The following NADSYN1 variants were observed in gnomAD, a reference collection of about 807,000 sequenced individuals.
NADSYN1 encodes the protein NAD synthetase 1, also known as glutamine-dependent NAD(+) synthetase.
In NADSYN1, 80 loss-of-function variants were observed where a neutral mutation model predicts 99.3. The ratio of observed to expected loss-of-function variants is 0.81; its 90% CI spans 0.67 to 0.97. The LOEUF is 0.97. NADSYN1 is among the 50% of genes least tolerant of loss of function. The pLI, the probability that NADSYN1 is intolerant of heterozygous loss-of-function variation, is 0.00. For missense variants in NADSYN1, 859 were observed against 948.5 expected (o/e 0.91, Z 1.24); for synonymous variants, 385 against 372.1 (o/e 1.03, Z -0.40).
chr11:71,453,779 C>T (rs1469732599), intron 1 of NADSYN1, among the ~76,000 whole-genome samples: 1 of 152,126 alleles, frequency 6.6e-6, no homozygotes, highest in Non-Finnish European at 1.5e-5. Context: ...TTGATGGTCT[C>T]TGGTCCCCGT....
At chr11:71,457,027 A>G (rs4944958) in intron 2 of NADSYN1, among the ~76,000 whole-genome samples, 80,941 of 152,228 alleles carry the variant, frequency 0.53, 25,478 homozygotes, top group Non-Finnish European at 0.74. Flanking sequence ...TTGGAAAGGG[A>G]AGGCTACCAC....
At chr11:71,483,091 A>G (rs1256578521) in intron 14 of NADSYN1, 74 bp downstream of exon 14, 1 of 1,561,270 alleles carries the variant, frequency 6.4e-7, no homozygotes, top group African/African-American at 1.4e-5. Flanking sequence ...TCCGCCTGTG[A>G]GTGCATTGGT....
chr11:71,496,154 A>G (rs913813507), intron 18 of NADSYN1, among the ~76,000 whole-genome samples: 5 of 152,284 alleles, frequency 3.3e-5, no homozygotes, highest in Admixed American at 1.3e-4. Flanking sequence ...TTGTGGAGCT[A>G]CTGTCACTAA....
intron 18 of NADSYN1, among the ~76,000 whole-genome samples, chr11:71,493,257 AAT>A (rs1481000715): frequency 6.6e-6 from 1 of 152,114 alleles, no homozygotes; most frequent in Non-Finnish European, 1.5e-5. Context: ...TCTTTTGCCA[AAT>A]GTATTTCAAA....
chr11:71,481,067 G>T, intron 11 of NADSYN1, 188 bp downstream of exon 11: 1 of 784,430 alleles, frequency 1.3e-6, no homozygotes, highest in Middle Eastern at 3.8e-4. Flanking sequence ...GTGACCCCCA[G>T]CCCTGCTGCT....
Position 71,498,393 on chromosome 11 carries a change from G to A in NADSYN1, c.1935G>A (p.Met645Ile). Residue 645 changes from methionine to isoleucine, a missense_variant, in exon 20 of 21, where the codon ATG becomes ATA. Coordinates refer to ENST00000319023, the MANE Select transcript of NADSYN1 (RefSeq NM_018161.5). ...AGCGGTTTTTCTCCAAGTACTCCAT[G>A]AACAGACACAAGATGACCACGCTCA... ...KVKRFFSKYS[M>I]NRHKMTTLTP... The A allele has an allele frequency of 6.2e-7, 1 of 1,614,196 alleles. No homozygotes were observed. Among genetic ancestry groups the A allele is most frequent in the Non-Finnish European group, 8.5e-7 (1 of 1,180,044 alleles).
chr11:71,454,118 A>C (rs1591119007), intron 1 of NADSYN1, among the ~76,000 whole-genome samples: 1 of 152,332 alleles, frequency 6.6e-6, no homozygotes, highest in Non-Finnish European at 1.5e-5. Context: ...CTTGTCTTGC[A>C]CTGGTCTGCT....
At position 71,491,880 on chromosome 11, in the gene NADSYN1, G is replaced by A. The variant is rs1949781909; in HGVS notation, c.1741G>A (p.Gly581Arg). The A allele has an allele frequency of 6.2e-7, 1 of 1,614,110 alleles. No homozygotes were observed. The highest frequency in any genetic ancestry group is 1.1e-5 in the South Asian group (1 of 91,074). ...ATAELEPLAD[G>R]QVSQTDEEDM... is the part of the protein sequence containing the mutation. Reference sequence around the variant, plus strand: ...CGCAGAGCTGGAGCCCTTGGCTGATGGACAGGTGTCCCAGACCGACGAGGT... The same window carrying A: ...CGCAGAGCTGGAGCCCTTGGCTGATAGACAGGTGTCCCAGACCGACGAGGT... The change falls in exon 18 of 21, where the codon GGA becomes AGA. Residue 581 changes from glycine (G) to arginine (R), a missense_variant. By Grantham distance (125) the Gly-to-Arg change is moderately radical. Coordinates refer to ENST00000319023, the MANE Select transcript of NADSYN1 (RefSeq NM_018161.5).
chr11:71,477,016 C>A, intron 9 of NADSYN1: 1 of 1,062,566 alleles, frequency 9.4e-7, no homozygotes, highest in Non-Finnish European at 1.1e-6. Context: ...GCTCGGGCCA[C>A]TGCCCTCCAC....
chr11:71,482,780 G>C, intron 13 of NADSYN1, 69 bp from the exon 14 acceptor site: 1 of 1,536,924 alleles, frequency 6.5e-7, no homozygotes, highest in Admixed American at 1.9e-5. Flanking sequence ...GGTGTAGACC[G>C]GGGTGGAACT....
intron 3 of NADSYN1, among the ~76,000 whole-genome samples, 157 bp from the exon 4 acceptor site, chr11:71,463,275 G>C (rs990209980): frequency 6.6e-6 from 1 of 152,152 alleles, no homozygotes; most frequent in African/African-American, 2.4e-5. Flanking sequence ...GCTTTGATTT[G>C]AGGGTGCCAC....
chr11:71,458,567 A>G, intron 3 of NADSYN1, 23 bp downstream of exon 3: 1 of 1,553,500 alleles, frequency 6.4e-7, no homozygotes, highest in Non-Finnish European at 8.9e-7. Flanking sequence ...GTGAGTGTGG[A>G]AGGGCAAACC....
At chr11:71,453,523 A>C in intron 1 of NADSYN1, 142 bp downstream of exon 1, 1 of 722,304 alleles carries the variant, frequency 1.4e-6, no homozygotes, top group Non-Finnish European at 2.3e-6. Context: ...ATAATGGGCA[A>C]TGACCCCGCC....
intron 9 of NADSYN1, among the ~76,000 whole-genome samples, chr11:71,477,826 C>G (rs1949679382): frequency 6.6e-6 from 1 of 152,212 alleles, no homozygotes; most frequent in Non-Finnish European, 1.5e-5. Flanking sequence ...TTCTCCAGCT[C>G]CGCCCTCCTC....
Position 71,481,381 on chromosome 11 carries a change from G to A in NADSYN1, c.1024G>A (p.Asp342Asn), listed in dbSNP as rs149130712. Residue 342 changes from aspartate (D) to asparagine (N), a missense_variant, in exon 12 of 21, where the codon GAT (aspartate) becomes AAT (asparagine). Asp to Asn is a conservative substitution (Grantham distance 23). Transcript: ENST00000319023. The stretch of plus-strand genomic sequence containing the variant: ...CCTTGGACCTGCCTGCTGGCTCTGG[G>A]ATTTTTTAAGACGAAGTCAACAGGT... ...ISLGPACWLW[D>N]FLRRSQQAGF... 204 of 1,614,072 alleles carry A rather than the reference G, an allele frequency of 1.3e-4. 1 individual carries two copies. In the African/African-American group the frequency reaches 2.5e-3, roughly 20 times the overall value.
intron 5 of NADSYN1, among the ~76,000 whole-genome samples, chr11:71,472,193 G>A (rs1005381522): frequency 1.3e-5 from 2 of 152,172 alleles, no homozygotes; most frequent in Non-Finnish European, 2.9e-5. Context: ...GAACATGAGC[G>A]TGTGGGGAAA....
chr11:71,463,317 G>A (rs907379387), intron 3 of NADSYN1, 115 bp from the exon 4 acceptor site: 1 of 935,612 alleles, frequency 1.1e-6, no homozygotes, highest in African/African-American at 1.6e-5. Flanking sequence ...GAAGGGATCG[G>A]AGGAAGCTTC....
intron 2 of NADSYN1, among the ~76,000 whole-genome samples, chr11:71,457,153 T>C (rs1258428111): frequency 2.0e-5 from 3 of 152,252 alleles, no homozygotes; most frequent in Non-Finnish European, 4.4e-5. Flanking sequence ...TGGTTTCACA[T>C]GTGGGCCAGG....
In NADSYN1 at chr11:71,480,799, C is replaced by T; in HGVS notation, c.918C>T (p.Ala306=). ...ACCCCAGAGTGAAGGTGGACTTTGC[C>T]CTCTCGTGCCACGAGGACTTGCTGG... ...SPYPRVKVDF[A]LSCHEDLLAP... Residue 306 remains alanine, a synonymous_variant, in exon 11 of 21, where the codon GCC becomes GCT. Transcript: ENST00000319023. The T allele has an allele frequency of 2.5e-6, 4 of 1,614,190 alleles. No homozygotes were observed. The highest frequency in any genetic ancestry group is 1.7e-6 in the Non-Finnish European group (2 of 1,180,036).
Sources: allele counts gnomAD v4.1 joint callset (sites outside exome capture counted in the v4.1 genomes callset), GRCh38; gene constraint gnomAD v4.1.1; transcripts MANE v1.5; gene names NCBI Gene and HGNC (gene_info 2026-07-23, HGNC 2026-07-21).